ARVCF: variants seen among roughly 807,000 people sequenced by gnomAD.
ARVCF encodes splicing regulator ARVCF.
In ARVCF, 66 loss-of-function variants were observed where a neutral mutation model predicts 90.9. That is an observed-to-expected ratio of 0.73 (90% CI 0.60 to 0.89). The LOEUF is 0.89. Ranked by LOEUF, ARVCF falls within the 40% of genes least tolerant of loss-of-function variation. ARVCF has a pLI of 0.00. For missense variants in ARVCF, 1,469 were observed against 1,382.3 expected (o/e 1.06, Z -1.00); for synonymous variants, 653 against 603.4 (o/e 1.08, Z -1.21).
At position 19,979,826 on chromosome 22, in the gene ARVCF, GC is replaced by G; in HGVS notation, c.1312del (p.Ala438ProfsTer15). 6.2e-7 allele frequency: 1 copy of G among 1,609,770 alleles called. No homozygotes were observed. The highest frequency in any genetic ancestry group is 8.5e-7 in the Non-Finnish European group (1 of 1,178,934). On this transcript the variant is annotated frameshift_variant, in exon 6 of 20. Transcript: ENST00000263207. LOFTEE classifies it high-confidence loss of function. ...AGGCACACCACCGCAGTCCCGGATG[GC>G]GGCCTTGTTGTCAGTGTCGCGGCCA... ...SYGRDTDNKA[A>X]IRDCGGVPAL... is the part of the protein sequence containing the mutation.
At chr22:20,013,041 G>A (rs1659007517) in intron 1 of ARVCF, among the ~76,000 whole-genome samples, 1 of 152,256 alleles carries the variant, frequency 6.6e-6, no homozygotes, top group African/African-American at 2.4e-5. Flanking sequence ...TGCTCTATGA[G>A]CGCGAGGTGA....
Position 19,970,243 on chromosome 22 carries a change from C to G in ARVCF, c.*513G>C. The G allele has an allele frequency of 1.0e-6, 1 of 989,794 alleles. No homozygotes were observed. The highest frequency in any genetic ancestry group is 1.2e-6 in the Non-Finnish European group (1 of 832,228). 61.3% of individuals were successfully genotyped at this position (989,794 alleles called of 1,614,324 possible). On this transcript the variant is annotated 3_prime_UTR_variant, in exon 20 of 20. Coordinates refer to ENST00000263207, the MANE Select transcript of ARVCF (RefSeq NM_001670.3). ...AAAGCTTCCTTGCCCAGGGCTGGGC[C>G]TTGTGGGGCACCCCCCACACCGTGG...
At chr22:20,002,349 C>T (rs1944476025) in intron 2 of ARVCF, among the ~76,000 whole-genome samples, 1 of 152,230 alleles carries the variant, frequency 6.6e-6, no homozygotes, top group Non-Finnish European at 1.5e-5. Context: ...TGCAGGCCTG[C>T]AGGGGCTGCA....
intron 2 of ARVCF, among the ~76,000 whole-genome samples, chr22:20,009,603 C>G (rs1425216550): frequency 6.6e-6 from 1 of 152,330 alleles, no homozygotes; most frequent in East Asian, 1.9e-4. Flanking sequence ...AGGAGCCATT[C>G]TCTTAAGCCA....
At chr22:20,001,357 G>A (rs574581563) in intron 2 of ARVCF, among the ~76,000 whole-genome samples, 365 of 152,254 alleles carry the variant, frequency 2.4e-3, no homozygotes, top group Non-Finnish European at 3.1e-3. Context: ...ACTTACAGCA[G>A]CCTAGTGCCC....
intron 11 of ARVCF, among the ~76,000 whole-genome samples, chr22:19,974,984 C>T (rs1006565223): frequency 6.6e-6 from 1 of 152,180 alleles, no homozygotes; most frequent in Non-Finnish European, 1.5e-5. Context: ...TCCCCTGTAC[C>T]CACCCAGTGA....
rs758763375 is a variant in ARVCF, at chr22:19,974,249, G to A, written c.1961-10C>T. The A allele has an allele frequency of 5.6e-6, 9 of 1,594,622 alleles. No individual in the cohort carries two copies. Among genetic ancestry groups the A allele is most frequent in the South Asian group, 1.1e-5 (1 of 90,320 alleles). On this transcript the variant is annotated splice_polypyrimidine_tract_variant and intron_variant, in intron 11 of 19. Transcript: ENST00000263207. ...TACAGCAGCTCAAAGCCTAGGTGCA[G>A]GGCAACCGCCACCCACGGTCACCCA...
chr22:19,970,056 G>A lies in ARVCF; in HGVS notation c.*700C>T, dbSNP rs2146207578. 3.0e-6 allele frequency: 3 copies of A among 985,570 alleles called. No individual in the cohort carries two copies. In the South Asian group the frequency reaches 1.4e-4, roughly 46 times the overall value. The allele number at this position is 985,570 out of a possible 1,614,324, so 61.1% of individuals were successfully genotyped here. A position where few individuals can be genotyped will look rare whatever the true frequency, so the allele number is the denominator to read the frequency against. On this transcript the variant is annotated 3_prime_UTR_variant, in exon 20 of 20. Transcript: ENST00000263207. ...AGCAGTCCCCCAGCCACTGCCGAAG[G>A]TCAGTCCCGGAGGTGCTGCCCAGGC...
intron 3 of ARVCF, among the ~76,000 whole-genome samples, chr22:19,989,387 C>T (rs76776717): frequency 0.024 from 3,611 of 152,268 alleles, 73 homozygotes; most frequent in South Asian, 0.077. Flanking sequence ...GCCTGCTGGC[C>T]GACACCAAGT....
intron 9 of ARVCF, among the ~76,000 whole-genome samples, 157 bp downstream of exon 9, chr22:19,977,258 G>A (rs926950243): frequency 6.6e-6 from 1 of 152,232 alleles, no homozygotes; most frequent in African/African-American, 2.4e-5. Context: ...ACCCAGGGCA[G>A]TCCAGCCTCC....
At chr22:19,973,972 G>A (rs1457097564) in intron 12 of ARVCF, 140 bp downstream of exon 12, 14 of 1,480,324 alleles carry the variant, frequency 9.5e-6, no homozygotes, top group Non-Finnish European at 1.2e-5. Context: ...CGCATTGCCC[G>A]CAGCCCATAC....
chr22:19,968,806 C>T (rs1569139015), downstream of ARVCF: 2 of 1,463,604 alleles, frequency 1.4e-6, no homozygotes, highest in Non-Finnish European at 1.9e-6. Context: ...CGTGCTCCTG[C>T]TGACCTTCTG....
intron 11 of ARVCF, among the ~76,000 whole-genome samples, chr22:19,975,325 C>T (rs12627876): frequency 0.038 from 5,812 of 152,314 alleles, 177 homozygotes; most frequent in African/African-American, 0.081. Context: ...CCGCCTGGCT[C>T]CCAGCCCCCT....
In ARVCF at chr22:19,978,067, C is replaced by T; in HGVS notation, c.1589G>A (p.Ser530Asn). The change falls in exon 8 of 20, where the codon AGC becomes AAC. Residue 530 changes from serine to asparagine, a missense_variant. Coordinates refer to ENST00000263207, the MANE Select transcript of ARVCF (RefSeq NM_001670.3). ...CCGCCGGGCCTCAGCACCATCGGAG[C>T]TCACATTCCTGTGTGGCCAAGAGCA... ...KNTSGCLRNV[S>N]SDGAEARRRL... 2 of 1,606,456 alleles carry T rather than the reference C, an allele frequency of 1.2e-6. No homozygotes were observed. Among genetic ancestry groups the T allele is most frequent in the Non-Finnish European group, 1.7e-6 (2 of 1,176,680 alleles).
intron 3 of ARVCF, among the ~76,000 whole-genome samples, chr22:19,986,873 TACCCGGGGGC>T (rs1943800560): frequency 6.6e-6 from 1 of 152,068 alleles, no homozygotes; most frequent in African/African-American, 2.4e-5. Context: ...CCGCCCTGCA[TACCCGGGGGC>T]ACCGCGCTCA....
Position 19,970,240 on chromosome 22 carries a change from G to A in ARVCF, c.*516C>T, listed in dbSNP as rs165655. 0.67 allele frequency: 658,158 copies of A among 989,364 alleles called. 223,951 individuals are homozygous for A. The highest frequency in any genetic ancestry group is 0.7 in the Non-Finnish European group (581,719 of 832,248). The allele number at this position is 989,364 out of a possible 1,614,324, so 61.3% of individuals were successfully genotyped here. A position where few individuals can be genotyped will look rare whatever the true frequency, so the allele number is the denominator to read the frequency against. On this transcript the variant is annotated 3_prime_UTR_variant, in exon 20 of 20. Coordinates refer to ENST00000263207, the MANE Select transcript of ARVCF (RefSeq NM_001670.3). ...TCCAAAGCTTCCTTGCCCAGGGCTGGGCCTTGTGGGGCACCCCCCACACCG... is the reference window on the plus strand; with the variant it reads ...TCCAAAGCTTCCTTGCCCAGGGCTGAGCCTTGTGGGGCACCCCCCACACCG...
intron 2 of ARVCF, among the ~76,000 whole-genome samples, chr22:20,007,312 G>T (rs868467012): frequency 3.9e-5 from 6 of 152,232 alleles, no homozygotes; most frequent in African/African-American, 1.4e-4. Context: ...TGAGGCAGGA[G>T]AATTGCTTGA....
intron 2 of ARVCF, among the ~76,000 whole-genome samples, chr22:19,993,386 T>C (rs1210247378): frequency 6.6e-6 from 1 of 152,202 alleles, no homozygotes; most frequent in African/African-American, 2.4e-5. Flanking sequence ...AATAAATATA[T>C]GATGTCAAGG....
chr22:19,987,887 G>A lies in ARVCF; in HGVS notation c.210+2698C>T, dbSNP rs10433287. Among the ~76,000 whole-genome samples, 512 of 152,256 alleles carry A rather than the reference G, an allele frequency of 3.4e-3. 14 individuals are homozygous for A. The East Asian group carries it at 0.068, about 20-fold the overall frequency. On this transcript the variant is annotated intron_variant, in intron 3 of 19. Transcript: ENST00000263207. ...ACTGCTCCCCCAGGCCAGCCTCAAT[G>A]TGGGCCACACCCTAGGGAATCTAGT...
Sources: allele counts gnomAD v4.1 joint callset (sites outside exome capture counted in the v4.1 genomes callset), GRCh38; gene constraint gnomAD v4.1.1; transcripts MANE v1.5; gene names NCBI Gene and HGNC (gene_info 2026-07-23, HGNC 2026-07-21).